ZYG11B: variants seen among roughly 807,000 people sequenced by gnomAD.
ZYG11B encodes zyg-11 family member B, cell cycle regulator.
ZYG11B carries 36 observed loss-of-function variants against 82.4 expected under a neutral mutation model. The observed-to-expected ratio is 0.44, with a 90% CI of 0.33 to 0.58. ZYG11B has a LOEUF of 0.58. Among genes scored for constraint, ZYG11B ranks in the 20% least tolerant of loss-of-function variants. The pLI is 0.02. For missense variants in ZYG11B, 552 were observed against 895.6 expected, an observed-to-expected ratio of 0.62 and a Z score of 4.90; for synonymous variants, 303 against 312.8, an observed-to-expected ratio of 0.97 and a Z score of 0.33.
intron 1 of ZYG11B, among the ~76,000 whole-genome samples, chr1:52,741,789 C>G (rs565651687): frequency 2.0e-5 from 3 of 152,110 alleles, no homozygotes; most frequent in Admixed American, 1.3e-4. Context: ...GGCAACAATC[C>G]TATGACATAG....
chr1:52,734,676 G>A (rs1295585152), intron 1 of ZYG11B, among the ~76,000 whole-genome samples: 1 of 151,016 alleles, frequency 6.6e-6, no homozygotes, highest in African/African-American at 2.4e-5. Context: ...TGATTTGGCA[G>A]TATGAGTTCA....
chr1:52,750,273 ATTT>A (rs35418497), intron 1 of ZYG11B, among the ~76,000 whole-genome samples: 6 of 132,276 alleles, frequency 4.5e-5, no homozygotes, highest in Admixed American at 7.5e-5. Context: ...CCCAGCAACT[ATTT>A]TTTTTTTTTT....
rs1645295361 is a variant in ZYG11B at position 52,823,143 on chromosome 1, A to G, written c.*1514A>G. 6.6e-6 allele frequency: 1 copy of G among 152,056 alleles called. No homozygotes were observed. Among genetic ancestry groups the G allele is most frequent in the South Asian group, 2.1e-4 (1 of 4,814 alleles). 9.4% of individuals were successfully genotyped at this position (152,056 alleles called of 1,614,324 possible). A position where few individuals can be genotyped will look rare whatever the true frequency, so the allele number is the denominator to read the frequency against. ...TTTGGAGTTCCTTCATGTGAATGAA[A>G]ACTGAGTTAAAAGAAAGTAGGCATT... On this transcript the variant is annotated 3_prime_UTR_variant, in exon 14 of 14. Coordinates refer to ENST00000294353, the MANE Select transcript of ZYG11B (RefSeq NM_024646.3).
chr1:52,776,075 C>T (rs1003101949), intron 3 of ZYG11B, among the ~76,000 whole-genome samples: 1 of 150,392 alleles, frequency 6.6e-6, no homozygotes. Flanking sequence ...AAAAATTAGC[C>T]GGGCGTGGTG....
intron 10 of ZYG11B, among the ~76,000 whole-genome samples, chr1:52,803,487 T>C (rs1645115966): frequency 6.7e-6 from 1 of 149,704 alleles, no homozygotes; most frequent in Admixed American, 6.7e-5. Context: ...TGTGTGTGTA[T>C]ATATATATTT....
chr1:52,815,087 G>A (rs1253343564), intron 12 of ZYG11B, among the ~76,000 whole-genome samples: 1 of 152,176 alleles, frequency 6.6e-6, no homozygotes, highest in African/African-American at 2.4e-5. Context: ...GAACTTGGGA[G>A]GTGGAGGTTG....
At chr1:52,739,135 C>A (rs1273314672) in intron 1 of ZYG11B, among the ~76,000 whole-genome samples, 2 of 151,652 alleles carry the variant, frequency 1.3e-5, no homozygotes, top group African/African-American at 4.9e-5. Context: ...TACAGTTACC[C>A]CTCACCACGC....
chr1:52,773,115 C>T (rs993370513), intron 3 of ZYG11B, among the ~76,000 whole-genome samples: 1 of 152,142 alleles, frequency 6.6e-6, no homozygotes, highest in Non-Finnish European at 1.5e-5. Context: ...TAAGATTTCT[C>T]ATGCCTAATG....
At chr1:52,816,818 C>T (rs1645228605) in intron 13 of ZYG11B, among the ~76,000 whole-genome samples, 189 bp downstream of exon 13, 2 of 129,616 alleles carry the variant, frequency 1.5e-5, no homozygotes, top group South Asian at 2.5e-4. Context: ...GACGAAGTCT[C>T]GCTCTTGTTC....
At chr1:52,732,064 A>G (rs1311362862) in intron 1 of ZYG11B, among the ~76,000 whole-genome samples, 2 of 152,216 alleles carry the variant, frequency 1.3e-5, no homozygotes, top group Admixed American at 6.5e-5. Flanking sequence ...TGGCTTCCCA[A>G]AGTCCTGGGA....
At chr1:52,811,857 C>T (rs1480535380) in intron 10 of ZYG11B, among the ~76,000 whole-genome samples, 3 of 151,994 alleles carry the variant, frequency 2.0e-5, no homozygotes, top group South Asian at 4.2e-4. Flanking sequence ...GGTGAAACCC[C>T]GTCTCTACTA....
At chr1:52,782,756 CG>C (rs1265839711) in intron 4 of ZYG11B, among the ~76,000 whole-genome samples, 1 of 151,378 alleles carries the variant, frequency 6.6e-6, no homozygotes, top group African/African-American at 2.4e-5. Flanking sequence ...TTTGTAGAGA[CG>C]GGGGTCACAC....
In ZYG11B at chr1:52,779,877, C is replaced by G; in HGVS notation, c.976C>G (p.Gln326Glu). The change falls in exon 4 of 14, where the codon CAG becomes GAG. Residue 326 changes from glutamine to glutamate, a missense_variant. Transcript: ENST00000294353. ...LKVSGEANET[Q>E]IAEALKRYSE... is the part of the protein sequence containing the mutation. ...GGTGTCTGGGGAAGCCAATGAAACT[C>G]AGATTGCAGAAGCACTGAAGCGTTA... The G allele has an allele frequency of 6.2e-7, 1 of 1,614,006 alleles. No individual in the cohort carries two copies. The highest frequency in any genetic ancestry group is 8.5e-7 in the Non-Finnish European group (1 of 1,179,990).
At chr1:52,729,251 C>T (rs1240926008) in intron 1 of ZYG11B, among the ~76,000 whole-genome samples, 1 of 152,124 alleles carries the variant, frequency 6.6e-6, no homozygotes, top group Non-Finnish European at 1.5e-5. Flanking sequence ...ATCTAATCAC[C>T]TCCCAAAGGC....
intron 10 of ZYG11B, among the ~76,000 whole-genome samples, chr1:52,811,225 T>C (rs894664595): frequency 6.6e-6 from 1 of 152,186 alleles, no homozygotes; most frequent in Non-Finnish European, 1.5e-5. Context: ...TATTGAAGTC[T>C]AAGTGGACAA....
rs1645054580 is a variant in ZYG11B, at chr1:52,799,247, G to T, written c.1485+2463G>T. 2.6e-5 allele frequency among the ~76,000 whole-genome samples: 4 copies of T among 152,158 alleles called. No homozygotes were observed. The South Asian group carries it at 8.3e-4, about 32-fold the overall frequency. On this transcript the variant is annotated intron_variant, in intron 8 of 13. Transcript: ENST00000294353. ...TCACATCTGTAATGCCAGCAATCTG[G>T]GAGGCCGAGGCGGGTGGATCACAAG...
At chr1:52,754,762 T>C (rs1644557331) in intron 1 of ZYG11B, among the ~76,000 whole-genome samples, 1 of 152,212 alleles carries the variant, frequency 6.6e-6, no homozygotes, top group African/African-American at 2.4e-5. Flanking sequence ...GTGTCATATC[T>C]AAGAAACTTT....
Position 52,726,461 on chromosome 1 carries a change from C to A in ZYG11B, c.-193C>A. 1 of 478,562 alleles carries A rather than the reference C, an allele frequency of 2.1e-6. No individual in the cohort carries two copies. Among genetic ancestry groups the A allele is most frequent in the East Asian group, 3.8e-5 (1 of 26,136 alleles). The allele number at this position is 478,562 out of a possible 1,614,324, so 29.6% of individuals were successfully genotyped here. On this transcript the variant is annotated 5_prime_UTR_variant, in exon 1 of 14. Transcript: ENST00000294353. ...CGGGTCCTCGCGGGGGCGGAGTCTG[C>A]GCTCTGGTTCGGGCTGCGGCTGCGG...
chr1:52,811,765 G>T (rs140163036), intron 10 of ZYG11B, among the ~76,000 whole-genome samples: 19 of 151,936 alleles, frequency 1.3e-4, no homozygotes, highest in South Asian at 6.2e-4. Context: ...GCGCGGTGGC[G>T]CATGCCTGTA....
Sources: allele counts gnomAD v4.1 joint callset (sites outside exome capture counted in the v4.1 genomes callset), GRCh38; gene constraint gnomAD v4.1.1; transcripts MANE v1.5; gene names NCBI Gene and HGNC (gene_info 2026-07-23, HGNC 2026-07-21).